SYT11: variants seen among roughly 807,000 people sequenced by gnomAD.
The protein encoded by SYT11 is synaptotagmin-11.
Under a neutral mutation model 30.4 loss-of-function variants are expected in SYT11, and 12 were observed. That is an observed-to-expected ratio of 0.39 (90% CI 0.25 to 0.64). The LOEUF (loss-of-function observed/expected upper bound fraction) is 0.64. SYT11 is among the 30% of genes least tolerant of loss of function. SYT11 has a pLI of 0.45. For synonymous variants in SYT11, 204 were observed against 216.0 expected (o/e 0.94, Z 0.49); for missense variants, 412 against 552.0 (o/e 0.75, Z 2.54).
chr1:155,870,880 G>C (rs1672772253), intron 2 of SYT11, among the ~76,000 whole-genome samples: 1 of 55,854 alleles, frequency 1.8e-5, no homozygotes, highest in East Asian at 8.7e-4. Flanking sequence ...GGCACACTCA[G>C]ATCCATGTCA....
At chr1:155,865,258 A>G (rs1672650632) in intron 1 of SYT11, among the ~76,000 whole-genome samples, 1 of 152,192 alleles carries the variant, frequency 6.6e-6, no homozygotes, top group Non-Finnish European at 1.5e-5. Context: ...TGGGGCAGAC[A>G]GGAAATATTT....
chr1:155,873,454 TC>T (rs997269663), intron 2 of SYT11, among the ~76,000 whole-genome samples: 2 of 152,050 alleles, frequency 1.3e-5, no homozygotes, highest in African/African-American at 4.8e-5. Flanking sequence ...ACGTTGCTTT[TC>T]CCCCACCTAT....
intron 1 of SYT11, among the ~76,000 whole-genome samples, chr1:155,862,226 A>G (rs370990085): frequency 2.6e-5 from 4 of 152,210 alleles, no homozygotes; most frequent in African/African-American, 4.8e-5. Flanking sequence ...ATCCATGACC[A>G]TGAAGGACAA....
chr1:155,875,204 C>T (rs752798147), intron 2 of SYT11, among the ~76,000 whole-genome samples: 14 of 129,970 alleles, frequency 1.1e-4, no homozygotes, highest in African/African-American at 2.7e-4. Context: ...AGTAAGCCAT[C>T]GCACCACTGC....
rs1482465207 is a variant in SYT11 at position 155,860,397 on chromosome 1, C to T, written c.34+602C>T. Among the ~76,000 whole-genome samples, 4 of 152,240 alleles carry T rather than the reference C, an allele frequency of 2.6e-5. No homozygotes were observed. Among genetic ancestry groups the T allele is most frequent in the South Asian group, 2.1e-4 (1 of 4,836 alleles). ...TAGGAGGAAACGTGAGCCCTGCAAG[C>T]TCCATTCCGCATCGTAATGGTGGGG... On this transcript the variant is annotated intron_variant, in intron 1 of 3. Coordinates refer to ENST00000368324, the MANE Select transcript of SYT11 (RefSeq NM_152280.5). This position sits in a 1 kb window ranked among gnomAD's most constrained non-coding sequence, Gnocchi z 4.1.
At chr1:155,880,471 G>C in intron 2 of SYT11, 29 bp from the exon 3 acceptor site, 1 of 1,612,374 alleles carries the variant, frequency 6.2e-7, no homozygotes, top group Non-Finnish European at 8.5e-7. Context: ...CCTCTGCCAG[G>C]ATTCTCACCT....
chr1:155,866,895 T>C (rs1672685257), intron 1 of SYT11, among the ~76,000 whole-genome samples: 1 of 151,918 alleles, frequency 6.6e-6, no homozygotes, highest in African/African-American at 2.4e-5. Flanking sequence ...GAATAATATA[T>C]GTATACATAA....
intron 2 of SYT11, 86 bp from the exon 3 acceptor site, chr1:155,880,414 C>T (rs1672941393): frequency 6.5e-7 from 1 of 1,544,218 alleles, no homozygotes; most frequent in Non-Finnish European, 8.8e-7. Context: ...TGTCCTCCCC[C>T]AGACTCTTCC....
intron 2 of SYT11, among the ~76,000 whole-genome samples, chr1:155,872,844 C>T (rs533644019): frequency 1.3e-5 from 2 of 152,138 alleles, no homozygotes; most frequent in South Asian, 4.2e-4. Flanking sequence ...CATCACAAAG[C>T]GGCGCTGAGT....
chr1:155,875,072 G>T (rs1466866241), intron 2 of SYT11, among the ~76,000 whole-genome samples: 1 of 148,076 alleles, frequency 6.8e-6, no homozygotes, highest in African/African-American at 2.5e-5. Flanking sequence ...GGCCAATGTA[G>T]CGAAACCCCG....
rs1330558091 is a variant in SYT11 at position 155,883,758 on chromosome 1, G to T, written c.*2250G>T. On this transcript the variant is annotated 3_prime_UTR_variant, in exon 4 of 4. Coordinates refer to ENST00000368324, the MANE Select transcript of SYT11 (RefSeq NM_152280.5). ...AAGCTGAGTCTCTATGGACGGGGGG[G>T]TGATCTTGCTTTCAGTGTTCCCTCA... The T allele has an allele frequency of 6.6e-6, 1 of 152,186 alleles. No homozygotes were observed. Among genetic ancestry groups the T allele is most frequent in the African/African-American group, 2.4e-5 (1 of 41,384 alleles). 9.4% of individuals were successfully genotyped at this position (152,186 alleles called of 1,614,324 possible).
At chr1:155,865,540 A>G (rs1324043917) in intron 1 of SYT11, among the ~76,000 whole-genome samples, 2 of 151,584 alleles carry the variant, frequency 1.3e-5, no homozygotes. Context: ...AGGCAGGAGA[A>G]TTGCTTGAAC....
Position 155,859,660 on chromosome 1 carries a change from C to T in SYT11, c.-102C>T. The T allele has an allele frequency of 8.6e-7, 1 of 1,167,246 alleles. No homozygotes were observed. Among genetic ancestry groups the T allele is most frequent in the South Asian group, 1.2e-5 (1 of 81,476 alleles). 72.3% of individuals were successfully genotyped at this position (1,167,246 alleles called of 1,614,324 possible). On this transcript the variant is annotated 5_prime_UTR_variant, in exon 1 of 4. Transcript: ENST00000368324. ...CGTCCGCTGGATACCTTCCCCCTTC[C>T]CTGACCTAGAGCTCTACAGCTGCTG...
intron 1 of SYT11, among the ~76,000 whole-genome samples, chr1:155,861,641 G>A (rs1267421232): frequency 3.9e-5 from 6 of 152,130 alleles, no homozygotes; most frequent in Non-Finnish European, 8.8e-5. Flanking sequence ...TTTTTGAGAC[G>A]GAGTTTCGAT....
chr1:155,877,323 C>G (rs1206622906), intron 2 of SYT11, among the ~76,000 whole-genome samples: 1 of 151,744 alleles, frequency 6.6e-6, no homozygotes, highest in African/African-American at 2.4e-5. Flanking sequence ...AGGCTGGTCT[C>G]GAACTCCTGA....
In SYT11 at chr1:155,874,135, A is replaced by G. The variant is rs183863381; in HGVS notation, c.861+5344A>G. On this transcript the variant is annotated intron_variant, in intron 2 of 3. Transcript: ENST00000368324. Reference sequence around the variant, plus strand: ...GGCCAACGTGGCGGAAACCCCAGACATGGTGATTCACGCCGGTAATCCCAG... The same window carrying G: ...GGCCAACGTGGCGGAAACCCCAGACGTGGTGATTCACGCCGGTAATCCCAG... Among the ~76,000 whole-genome samples the G allele has an allele frequency of 4.0e-3, 609 of 151,870 alleles. 5 individuals carry two copies. Among genetic ancestry groups the G allele is most frequent in the Middle Eastern group, 6.8e-3 (2 of 292 alleles).
At chr1:155,866,925 CACATATAT>C (rs1258827215) in intron 1 of SYT11, among the ~76,000 whole-genome samples, 2 of 151,426 alleles carry the variant, frequency 1.3e-5, no homozygotes, top group Non-Finnish European at 2.9e-5. Context: ...TATACACACA[CACATATAT>C]ACATATATAC....
At position 155,868,388 on chromosome 1, in the gene SYT11, A is replaced by C. The variant is rs765496154; in HGVS notation, c.458A>C (p.Glu153Ala). ...ESKTTSPSSP[E>A]EDVMLGSLTF... ...AAAACCACCTCTCCATCATCTCCAGAGGAGGATGTCATGCTAGGATCCCTC... is the reference window on the plus strand; with the variant it reads ...AAAACCACCTCTCCATCATCTCCAGCGGAGGATGTCATGCTAGGATCCCTC... The change falls in exon 2 of 4, where the codon GAG becomes GCG. Residue 153 changes from glutamate to alanine, a missense_variant. By Grantham distance (107) the Glu-to-Ala change is moderately radical. Coordinates refer to ENST00000368324, the MANE Select transcript of SYT11 (RefSeq NM_152280.5). The surrounding 1 kb of genome is among the most constrained non-coding windows in gnomAD (Gnocchi z 4.7). 6.2e-7 allele frequency: 1 copy of C among 1,613,994 alleles called. No individual in the cohort carries two copies. Among genetic ancestry groups the C allele is most frequent in the Non-Finnish European group, 8.5e-7 (1 of 1,179,968 alleles).
intron 2 of SYT11, among the ~76,000 whole-genome samples, chr1:155,877,615 G>C (rs1672886204): frequency 6.7e-6 from 1 of 149,002 alleles, no homozygotes; most frequent in African/African-American, 2.5e-5. Context: ...GTGCAGTGGC[G>C]CAATCTCGGC....
Sources: gnomAD v4.1 joint callset for allele counts (sites outside exome capture counted in the v4.1 genomes callset) on GRCh38, gnomAD v4.1.1 for gene constraint, Gnocchi (gnomAD v3.1) non-coding constraint, MANE v1.5 for transcripts, NCBI Gene and HGNC (gene_info 2026-07-23, HGNC 2026-07-21) for gene names.